Variants in GALNS observed in about 807,000 individuals in gnomAD.
The protein encoded by GALNS is N-acetylgalactosamine-6-sulfatase.
GALNS carries 65 observed loss-of-function variants against 65.9 expected under a neutral mutation model. The ratio of observed to expected loss-of-function variants is 0.99; its 90% confidence interval spans 0.81 to 1.21. GALNS has a LOEUF of 1.21. Ranked by LOEUF, GALNS falls within the 50% of genes most tolerant of loss-of-function variation. The pLI is 0.00. For synonymous variants in GALNS, 346 were observed against 288.9 expected (o/e 1.20, Z -2.00); for missense variants, 776 against 700.7 (o/e 1.11, Z -1.21).
rs1201988874 is a variant in GALNS, at chr16:88,856,137, C to A, written c.120+621G>T. On this transcript the variant is annotated intron_variant, in intron 1 of 13. Coordinates refer to ENST00000268695, the MANE Select transcript of GALNS (RefSeq NM_000512.5). ...GGAGGCCTCCAGGCTGGCTGTGACC[C>A]CTGACCCCGCACTTGCCCACCAGGA... The A allele has an allele frequency of 4.3e-5, 30 of 701,976 alleles. No homozygotes were observed. The East Asian group carries it at 8.0e-4, about 19-fold the overall frequency. 43.5% of individuals were successfully genotyped at this position (701,976 alleles called of 1,614,324 possible).
intron 1 of GALNS, among the ~76,000 whole-genome samples, chr16:88,850,412 C>G (rs1967453110): frequency 6.6e-6 from 1 of 152,150 alleles, no homozygotes; most frequent in Admixed American, 6.5e-5. Context: ...CCTACCTGTT[C>G]CAGGCCACAA....
intron 5 of GALNS, among the ~76,000 whole-genome samples, chr16:88,836,822 C>T (rs1437083316): frequency 1.3e-5 from 2 of 152,188 alleles, no homozygotes; most frequent in African/African-American, 2.4e-5. Context: ...GGGCTGAGGG[C>T]ACGACACCAA....
chr16:88,837,741 GA>G lies in GALNS; in HGVS notation c.446del (p.Phe149SerfsTer4), dbSNP rs1567533329. On this transcript the variant is annotated frameshift_variant, in exon 5 of 14. Coordinates refer to ENST00000268695, the MANE Select transcript of GALNS (RefSeq NM_000512.5). LOFTEE classifies it high-confidence loss of function. Reference protein sequence around the residue: ...GKWHLGHRPQFHPLKHGFDEW... With the variant: ...GKWHLGHRPQXHPLKHGFDEW... ...CATCAAATCCGTGCTTCAGGGGGTG[GA>G]ACTGGGGCCTGTGACCCAGATGCCT... The G allele has an allele frequency of 6.2e-7, 1 of 1,613,980 alleles. No homozygotes were observed.
chr16:88,842,578 C>T, intron 2 of GALNS, 128 bp downstream of exon 2: 1 of 1,205,470 alleles, frequency 8.3e-7, no homozygotes, highest in Non-Finnish European at 1.2e-6. Flanking sequence ...GCCCACCTGC[C>T]ACCCTCCCTG....
chr16:88,848,359 G>A (rs1045851865), intron 1 of GALNS, among the ~76,000 whole-genome samples: 1 of 152,162 alleles, frequency 6.6e-6, no homozygotes, highest in African/African-American at 2.4e-5. Context: ...GGCCGGGCGC[G>A]GTGGTTCACG....
At chr16:88,852,811 C>T (rs9889048) in intron 1 of GALNS, among the ~76,000 whole-genome samples, 8,391 of 152,136 alleles carry the variant, frequency 0.055, 380 homozygotes, top group African/African-American at 0.13. Context: ...ATTAATTAGC[C>T]GAGTGTGGTG....
chr16:88,835,156 C>G, intron 8 of GALNS, 57 bp downstream of exon 8: 1 of 1,551,384 alleles, frequency 6.4e-7, no homozygotes, highest in African/African-American at 1.4e-5. Flanking sequence ...GGTCCAGGCA[C>G]TCTTCGCTGA....
intron 1 of GALNS, chr16:88,843,269 C>T (rs984854027): frequency 1.6e-6 from 2 of 1,231,656 alleles, no homozygotes; most frequent in Non-Finnish European, 1.1e-6. Flanking sequence ...CAACTGGTAA[C>T]TGTCCCCCAG....
rs2143005255 is a variant in GALNS, at chr16:88,842,245, C to T, written c.245-274G>A. The T allele has an allele frequency of 6.8e-6, 4 of 584,560 alleles. No homozygotes were observed. The Admixed American group carries it at 7.8e-5, about 11-fold the overall frequency. The allele number at this position is 584,560 out of a possible 1,614,324, so 36.2% of individuals were successfully genotyped here. A position where few individuals can be genotyped will look rare whatever the true frequency, so the allele number is the denominator to read the frequency against. ...CTTTCGCAGGCTCCTGGGACACCCACTGGGCGTGCAGGTCCACACGCCCCC... is the reference window on the plus strand; with the variant it reads ...CTTTCGCAGGCTCCTGGGACACCCATTGGGCGTGCAGGTCCACACGCCCCC... On this transcript the variant is annotated intron_variant, in intron 2 of 13. Coordinates refer to ENST00000268695, the MANE Select transcript of GALNS (RefSeq NM_000512.5).
chr16:88,856,415 G>A (rs1361083534), intron 1 of GALNS: 1 of 701,158 alleles, frequency 1.4e-6, no homozygotes. Context: ...AGGTCAGACG[G>A]GGGAGGCAGG....
At chr16:88,850,589 C>T (rs1967461810) in intron 1 of GALNS, among the ~76,000 whole-genome samples, 1 of 152,166 alleles carries the variant, frequency 6.6e-6, no homozygotes, top group Non-Finnish European at 1.5e-5. Flanking sequence ...TGGGAGGAGT[C>T]CCAGGTCTTG....
chr16:88,830,195 C>T (rs899816849), intron 9 of GALNS, among the ~76,000 whole-genome samples: 3 of 141,536 alleles, frequency 2.1e-5, no homozygotes, highest in African/African-American at 5.4e-5. Context: ...TGCACTACTG[C>T]ACTCCAGCCT....
chr16:88,843,468 A>G (rs1567539035), intron 1 of GALNS: 1 of 345,016 alleles, frequency 2.9e-6, no homozygotes, highest in Non-Finnish European at 5.7e-6. Context: ...GCCGGCGTGT[A>G]CTACGTGGGT....
rs763539126 is a variant in GALNS, at chr16:88,813,783, A to G, written c.*656T>C. On this transcript the variant is annotated 3_prime_UTR_variant, in exon 14 of 14. Coordinates refer to ENST00000268695, the MANE Select transcript of GALNS (RefSeq NM_000512.5). ...GCCTCCCGTTTTATTTCTAAATAAC[A>G]TAGTTACAATGATAAGAAGCTACAC... 28 of 152,978 alleles carry G rather than the reference A, an allele frequency of 1.8e-4. No individual in the cohort carries two copies. Among genetic ancestry groups the G allele is most frequent in the Non-Finnish European group, 2.8e-4 (19 of 68,634 alleles). 9.5% of individuals were successfully genotyped at this position (152,978 alleles called of 1,614,324 possible).
chr16:88,817,972 GCA>G, intron 13 of GALNS, 33 bp downstream of exon 13: 2 of 1,522,334 alleles, frequency 1.3e-6, no homozygotes, highest in South Asian at 2.4e-5. Flanking sequence ...TGCAGCCCCG[GCA>G]AAGAGACGGC....
chr16:88,855,987 G>A (rs1364181603), intron 1 of GALNS: 6 of 593,772 alleles, frequency 1.0e-5, no homozygotes, highest in African/African-American at 3.7e-5. Context: ...AAGAATGGAA[G>A]TGACCCCCAA....
At chr16:88,854,652 T>C (rs1967691419) in intron 1 of GALNS, among the ~76,000 whole-genome samples, 1 of 152,156 alleles carries the variant, frequency 6.6e-6, no homozygotes. Flanking sequence ...TCCCACTGGG[T>C]CTGCTGACTG....
At chr16:88,854,763 C>G (rs866520124) in intron 1 of GALNS, among the ~76,000 whole-genome samples, 1 of 152,268 alleles carries the variant, frequency 6.6e-6, no homozygotes, top group Non-Finnish European at 1.5e-5. Context: ...GCCAGGCGGC[C>G]CTGGTCTGTC....
At chr16:88,843,196 G>C in intron 1 of GALNS, 2 of 1,341,486 alleles carry the variant, frequency 1.5e-6, no homozygotes, top group South Asian at 2.5e-5. Context: ...CTAAACACGT[G>C]CATCTATTTT....
Sources: allele counts gnomAD v4.1 joint callset (sites outside exome capture counted in the v4.1 genomes callset), GRCh38; gene constraint gnomAD v4.1.1; transcripts MANE v1.5; gene names NCBI Gene and HGNC (gene_info 2026-07-23, HGNC 2026-07-21).